The following AOPEP variants were observed in gnomAD, a reference collection of about 807,000 sequenced individuals.
The protein encoded by AOPEP is aminopeptidase O (putative), also known as aminopeptidase O.
A neutral mutation model predicts 98.1 loss-of-function variants in AOPEP; 77 were observed. The observed-to-expected ratio is 0.78, with a 90% confidence interval of 0.65 to 0.95. The LOEUF is 0.95. Among genes scored for constraint, AOPEP ranks in the 40% least tolerant of loss-of-function variants. AOPEP has a pLI of 0.00. For synonymous variants in AOPEP, 346 were observed against 365.3 expected (o/e 0.95, Z 0.60); for missense variants, 1,024 against 1,024.7 (o/e 1.00, Z 0.01).
chr9:94,840,736 T>C (rs573274315), intron 5 of AOPEP, among the ~76,000 whole-genome samples: 1 of 152,314 alleles, frequency 6.6e-6, no homozygotes, highest in Non-Finnish European at 1.5e-5. Context: ...GTTTATAGTA[T>C]TCATGCATTT....
At chr9:95,136,315 C>CT in the AOPEP span, among the ~76,000 whole-genome samples, 1 of 152,094 alleles carries the variant, frequency 6.6e-6, no homozygotes, top group Non-Finnish European at 1.5e-5. Context: ...AGGAGGATCG[C>CT]TAGAGCCCAG....
chr9:94,948,101 C>T (rs1374209317), intron 7 of AOPEP, among the ~76,000 whole-genome samples: 3 of 152,168 alleles, frequency 2.0e-5, no homozygotes, highest in African/African-American at 7.2e-5. Flanking sequence ...ATTCATTGGA[C>T]CCTCAGTTCA....
intron 13 of AOPEP, among the ~76,000 whole-genome samples, chr9:95,033,153 A>C (rs545158515): frequency 6.6e-6 from 1 of 152,282 alleles, no homozygotes; most frequent in East Asian, 1.9e-4. Context: ...CCTTACCACT[A>C]GTCCATGGAG....
At chr9:95,073,852 G>T (rs1424537759) in intron 14 of AOPEP, among the ~76,000 whole-genome samples, 2 of 152,060 alleles carry the variant, frequency 1.3e-5, no homozygotes, top group Admixed American at 1.3e-4. Context: ...AGTGAGACTC[G>T]GTCTCAAAAA....
chr9:95,108,059 T>C, the AOPEP span, among the ~76,000 whole-genome samples: 4 of 152,236 alleles, frequency 2.6e-5, no homozygotes, highest in South Asian at 2.1e-4. Flanking sequence ...CGTGAACAGC[T>C]ATGTTCCATC....
intron 3 of AOPEP, among the ~76,000 whole-genome samples, chr9:94,776,285 C>T (rs1026821104): frequency 6.6e-6 from 1 of 151,704 alleles, no homozygotes; most frequent in Non-Finnish European, 1.5e-5. Context: ...TAAAGAGTAT[C>T]CTCATTATTT....
At chr9:95,098,872 T>C in the AOPEP span, among the ~76,000 whole-genome samples, 1 of 152,184 alleles carries the variant, frequency 6.6e-6, no homozygotes, top group Non-Finnish European at 1.5e-5. Flanking sequence ...GCTTCCTCCT[T>C]GGTGACAGGA....
chr9:94,731,790 CTT>C (rs564831468), intron 1 of AOPEP, among the ~76,000 whole-genome samples: 1 of 86,288 alleles, frequency 1.2e-5, no homozygotes, highest in Non-Finnish European at 2.1e-5. Context: ...TCTCTTTTGC[CTT>C]TTTTTTTTTT....
intron 7 of AOPEP, among the ~76,000 whole-genome samples, chr9:94,934,179 C>A (rs966107887): frequency 6.6e-6 from 1 of 152,142 alleles, no homozygotes; most frequent in African/African-American, 2.4e-5. Flanking sequence ...GGGCCCCTGC[C>A]CAGTGCACCA....
At chr9:95,038,395 T>G (rs373642295) in intron 13 of AOPEP, among the ~76,000 whole-genome samples, 1 of 152,172 alleles carries the variant, frequency 6.6e-6, no homozygotes, top group African/African-American at 2.4e-5. Flanking sequence ...ATTTTAAATC[T>G]GAATATAAAC....
intron 5 of AOPEP, among the ~76,000 whole-genome samples, chr9:94,884,921 A>T (rs1374581567): frequency 6.7e-6 from 1 of 149,942 alleles, no homozygotes; most frequent in Non-Finnish European, 1.5e-5. Context: ...AGGCAGGAGA[A>T]TGGCGTGAAC....
chr9:94,971,154 G>C (rs2059510956), intron 10 of AOPEP, among the ~76,000 whole-genome samples: 1 of 152,262 alleles, frequency 6.6e-6, no homozygotes, highest in Admixed American at 6.5e-5. Context: ...TATTGAGGCT[G>C]CACACTGAGC....
the AOPEP span, among the ~76,000 whole-genome samples, chr9:95,094,057 C>G: frequency 2.4e-4 from 37 of 152,300 alleles, no homozygotes; most frequent in African/African-American, 7.0e-4. Context: ...CTCTCCCCCA[C>G]CCCTTTCTTG....
chr9:95,052,401 G>A (rs1310392085), intron 13 of AOPEP, among the ~76,000 whole-genome samples: 2 of 152,144 alleles, frequency 1.3e-5, no homozygotes, highest in Non-Finnish European at 2.9e-5. Context: ...CCTATTTTCT[G>A]TACATAAAAT....
chr9:95,059,525 G>A (rs1005597823), intron 13 of AOPEP, among the ~76,000 whole-genome samples: 2 of 147,702 alleles, frequency 1.4e-5, no homozygotes, highest in Admixed American at 1.3e-4. Context: ...ATGTGTGTGT[G>A]AATGAGTGAG....
At chr9:94,987,617 C>G (rs900003835) in intron 11 of AOPEP, among the ~76,000 whole-genome samples, 2 of 152,170 alleles carry the variant, frequency 1.3e-5, no homozygotes, top group African/African-American at 4.8e-5. Flanking sequence ...CTCCCAGCCC[C>G]TGCAACAATC....
At chr9:95,147,383 G>A in the AOPEP span, among the ~76,000 whole-genome samples, 2 of 152,192 alleles carry the variant, frequency 1.3e-5, no homozygotes, top group East Asian at 1.9e-4. Context: ...GGGCGTGATG[G>A]TGCATGCCTG....
the AOPEP span, among the ~76,000 whole-genome samples, chr9:95,121,816 A>G: frequency 6.6e-6 from 1 of 152,146 alleles, no homozygotes; most frequent in Non-Finnish European, 1.5e-5. Context: ...ATGTGATCAA[A>G]CTACTTTCAG....
chr9:94,840,053 C>T (rs2042100850), intron 5 of AOPEP, among the ~76,000 whole-genome samples: 1 of 152,192 alleles, frequency 6.6e-6, no homozygotes, highest in African/African-American at 2.4e-5. Context: ...CAGGTGTGAG[C>T]CACCTCGTCT....
Sources: gnomAD v4.1 joint callset for allele counts (sites outside exome capture counted in the v4.1 genomes callset) on GRCh38, gnomAD v4.1.1 for gene constraint, MANE v1.5 for transcripts, NCBI Gene and HGNC (gene_info 2026-07-23, HGNC 2026-07-21) for gene names.